The following GRXCR1 variants were observed in gnomAD, a reference collection of about 807,000 sequenced individuals.
GRXCR1 encodes glutaredoxin domain-containing cysteine-rich protein 1.
Under a neutral mutation model 27.3 loss-of-function variants are expected in GRXCR1, and 27 were observed. That is an observed-to-expected ratio of 0.99 (90% CI 0.73 to 1.37). The LOEUF is 1.37. Among genes scored for constraint, GRXCR1 ranks in the 40% most tolerant of loss-of-function variants. GRXCR1 has a pLI of 0.00. For missense variants in GRXCR1, 379 were observed against 354.4 expected, an observed-to-expected ratio of 1.07 and a Z score of -0.56; for synonymous variants, 122 against 131.1, an observed-to-expected ratio of 0.93 and a Z score of 0.47.
chr4:42,923,811 A>G (rs1378696643), intron 1 of GRXCR1, among the ~76,000 whole-genome samples: 1 of 151,956 alleles, frequency 6.6e-6, no homozygotes, highest in African/African-American at 2.4e-5. Context: ...GCAACATTTC[A>G]TGGGTAGCAC....
At chr4:42,946,079 T>C (rs1577916049) in intron 1 of GRXCR1, among the ~76,000 whole-genome samples, 1 of 152,140 alleles carries the variant, frequency 6.6e-6, no homozygotes, top group African/African-American at 2.4e-5. Context: ...GCTTTTGGCC[T>C]GGCAATGTAG....
At chr4:42,915,069 T>G (rs1330787692) in intron 1 of GRXCR1, among the ~76,000 whole-genome samples, 2 of 152,160 alleles carry the variant, frequency 1.3e-5, no homozygotes, top group African/African-American at 4.8e-5. Context: ...GATTTCTTCA[T>G]AGCAGCATGA....
intron 1 of GRXCR1, among the ~76,000 whole-genome samples, chr4:42,929,997 G>A (rs1042890331): frequency 9.9e-5 from 15 of 151,956 alleles, no homozygotes; most frequent in African/African-American, 3.6e-4. Flanking sequence ...GCAGGACCGA[G>A]AGCTGAAGCC....
intron 3 of GRXCR1, among the ~76,000 whole-genome samples, chr4:43,025,773 G>A (rs1357722841): frequency 6.6e-6 from 1 of 152,144 alleles, no homozygotes; most frequent in South Asian, 2.1e-4. Flanking sequence ...GCAAGAGATC[G>A]AGACCATCCT....
intron 2 of GRXCR1, among the ~76,000 whole-genome samples, chr4:42,989,731 A>G (rs966966535): frequency 6.6e-6 from 1 of 152,158 alleles, no homozygotes. Flanking sequence ...TGCAATCCCC[A>G]TTCCTTTCTG....
chr4:42,987,217 ATATATTATAT>A (rs1711760595), intron 2 of GRXCR1, among the ~76,000 whole-genome samples: 2 of 26,002 alleles, frequency 7.7e-5, no homozygotes, highest in Middle Eastern at 0.045. Flanking sequence ...TATATTATAT[ATATATTATAT>A]ATTATATATA....
intron 2 of GRXCR1, among the ~76,000 whole-genome samples, chr4:43,019,639 T>C (rs1713037062): frequency 6.6e-6 from 1 of 152,086 alleles, no homozygotes; most frequent in Non-Finnish European, 1.5e-5. Flanking sequence ...AAAAATGGAG[T>C]AGTTCGAAGA....
intron 2 of GRXCR1, among the ~76,000 whole-genome samples, chr4:42,981,924 T>C (rs934673119): frequency 6.6e-6 from 1 of 152,202 alleles, no homozygotes; most frequent in Non-Finnish European, 1.5e-5. Flanking sequence ...TTGGATTATA[T>C]AATATATGAA....
chr4:42,916,269 A>G (rs2109748076), intron 1 of GRXCR1, among the ~76,000 whole-genome samples: 1 of 152,250 alleles, frequency 6.6e-6, no homozygotes, highest in African/African-American at 2.4e-5. Context: ...TCCAGACTGG[A>G]TTAATTCATT....
intron 2 of GRXCR1, among the ~76,000 whole-genome samples, chr4:42,969,825 A>G (rs1253305766): frequency 6.6e-6 from 1 of 152,084 alleles, no homozygotes. Flanking sequence ...TGCCTTCCCA[A>G]CCGTCCCCCA....
chr4:43,023,483 T>C (rs1713159319), intron 3 of GRXCR1, among the ~76,000 whole-genome samples: 1 of 152,200 alleles, frequency 6.6e-6, no homozygotes, highest in African/African-American at 2.4e-5. Context: ...ATCTGATTTG[T>C]TGATGAAGAT....
intron 1 of GRXCR1, among the ~76,000 whole-genome samples, chr4:42,922,210 A>G (rs1459776094): frequency 3.9e-5 from 6 of 152,032 alleles, no homozygotes; most frequent in Non-Finnish European, 7.4e-5. Context: ...ACTTCTTGGA[A>G]TTTTGTATGT....
intron 2 of GRXCR1, among the ~76,000 whole-genome samples, chr4:42,983,954 G>T (rs1232409861): frequency 1.3e-5 from 2 of 150,998 alleles, no homozygotes; most frequent in African/African-American, 4.9e-5. Flanking sequence ...TCCTGCCTCA[G>T]CTTCCCTGGT....
chr4:42,932,553 G>T (rs1208794262), intron 1 of GRXCR1, among the ~76,000 whole-genome samples: 3 of 127,866 alleles, frequency 2.3e-5, no homozygotes, highest in Admixed American at 8.4e-5. Flanking sequence ...AACTCTCTTT[G>T]AGTGTTTCTC....
intron 1 of GRXCR1, among the ~76,000 whole-genome samples, chr4:42,924,630 T>A (rs563562107): frequency 6.6e-6 from 1 of 152,102 alleles, no homozygotes; most frequent in Non-Finnish European, 1.5e-5. Flanking sequence ...TTATGAATGC[T>A]AGGAATGTTT....
At chr4:42,924,349 G>A (rs1577907429) in intron 1 of GRXCR1, among the ~76,000 whole-genome samples, 1 of 152,024 alleles carries the variant, frequency 6.6e-6, no homozygotes, top group Non-Finnish European at 1.5e-5. Flanking sequence ...AAGGCACCTG[G>A]AATGATGATT....
intron 1 of GRXCR1, among the ~76,000 whole-genome samples, chr4:42,929,328 A>G (rs977059616): frequency 3.3e-5 from 5 of 152,168 alleles, no homozygotes; most frequent in Middle Eastern, 3.4e-3. Context: ...ACAGTGGCCT[A>G]TAATAGCCTG....
chr4:42,993,076 C>G (rs918651855), intron 2 of GRXCR1, among the ~76,000 whole-genome samples: 19 of 152,188 alleles, frequency 1.2e-4, no homozygotes, highest in Non-Finnish European at 2.6e-4. Context: ...TTCTCCCTTG[C>G]TATGTCCCCT....
chr4:42,975,537 G>A (rs546769683), intron 2 of GRXCR1, among the ~76,000 whole-genome samples: 5 of 152,224 alleles, frequency 3.3e-5, no homozygotes, highest in South Asian at 4.1e-4. Context: ...CTGGAGGGAA[G>A]CCTTTAACAG....
Sources: gnomAD v4.1 joint callset for allele counts (sites outside exome capture counted in the v4.1 genomes callset) on GRCh38, gnomAD v4.1.1 for gene constraint, MANE v1.5 for transcripts, NCBI Gene and HGNC (gene_info 2026-07-23, HGNC 2026-07-21) for gene names.